STX8: variants seen among roughly 807,000 people sequenced by gnomAD.
STX8 encodes syntaxin-8.
STX8 carries 23 observed loss-of-function variants against 37.5 expected under a neutral mutation model. That is an observed-to-expected ratio of 0.61 (90% confidence interval 0.44 to 0.87). STX8 has a LOEUF of 0.87. Among genes scored for constraint, STX8 ranks in the 40% least tolerant of loss-of-function variants. STX8 has a pLI of 0.00. For synonymous variants in STX8, 115 were observed against 99.1 expected, an observed-to-expected ratio of 1.16 and a Z score of -0.95; for missense variants, 313 against 284.7, an observed-to-expected ratio of 1.10 and a Z score of -0.71.
chr17:9,252,622 A>G (rs1213018969), intron 7 of STX8, among the ~76,000 whole-genome samples: 1 of 151,620 alleles, frequency 6.6e-6, no homozygotes, highest in African/African-American at 2.4e-5. Flanking sequence ...AAAAAAAAAA[A>G]AAAGAAAACG....
chr17:9,288,671 AAATAAAATAAATAAAT>A (rs1908191765), intron 7 of STX8, among the ~76,000 whole-genome samples: 1 of 150,768 alleles, frequency 6.6e-6, no homozygotes, highest in South Asian at 2.1e-4. Flanking sequence ...CGAAATAAAT[AAATAAAATAAATAAAT>A]AAATAAATAA....
intron 6 of STX8, among the ~76,000 whole-genome samples, chr17:9,485,591 GTT>G (rs5819231): frequency 2.1e-5 from 3 of 145,970 alleles, no homozygotes; most frequent in South Asian, 2.1e-4. Context: ...TTGTTTTTTG[GTT>G]TTTTTTTTTT....
rs938666799 is a variant in STX8, at chr17:9,561,257, T to C, written c.118-3729A>G. Among the ~76,000 whole-genome samples the C allele has an allele frequency of 3.3e-5, 5 of 152,296 alleles. No individual in the cohort carries two copies. In the East Asian group the frequency reaches 9.6e-4, roughly 29 times the overall value. Reference sequence around the variant, plus strand: ...CAAATAAAATTTAAAAACCGGTACATGTTTTACAATGTCACTTACAAAATC... The same window carrying C: ...CAAATAAAATTTAAAAACCGGTACACGTTTTACAATGTCACTTACAAAATC... On this transcript the variant is annotated intron_variant, in intron 2 of 7. Transcript: ENST00000306357.
intron 6 of STX8, among the ~76,000 whole-genome samples, chr17:9,410,578 G>A (rs939404772): frequency 1.3e-5 from 2 of 152,212 alleles, no homozygotes; most frequent in African/African-American, 2.4e-5. Context: ...GCATAGTGCA[G>A]CTGTTCTTGG....
At chr17:9,554,116 C>G (rs1047219464) in intron 3 of STX8, 2 of 152,158 alleles carry the variant, frequency 1.3e-5, no homozygotes, top group African/African-American at 4.8e-5. Context: ...AAAAATTAGC[C>G]GGGCATGGTG....
At chr17:9,288,862 C>T (rs1332718260) in intron 7 of STX8, among the ~76,000 whole-genome samples, 2 of 151,976 alleles carry the variant, frequency 1.3e-5, no homozygotes, top group Admixed American at 6.6e-5. Flanking sequence ...AAAGAGAAAA[C>T]ACAGGAGGTA....
chr17:9,476,734 T>C (rs188368021), intron 6 of STX8, among the ~76,000 whole-genome samples: 1 of 152,296 alleles, frequency 6.6e-6, no homozygotes, highest in Admixed American at 6.5e-5. Context: ...ATTACAGGTG[T>C]GAGCCACCGC....
chr17:9,450,120 C>G (rs944512087), intron 6 of STX8, among the ~76,000 whole-genome samples: 7 of 151,776 alleles, frequency 4.6e-5, no homozygotes, highest in Non-Finnish European at 1.0e-4. Context: ...GCTCTGTCAT[C>G]CAGGCTAGAG....
chr17:9,445,839 T>TC, intron 6 of STX8, among the ~76,000 whole-genome samples: 1 of 135,370 alleles, frequency 7.4e-6, no homozygotes, highest in East Asian at 3.0e-4. Context: ...TCTTTTTTTC[T>TC]CTTTTTTTTT....
chr17:9,529,654 T>C lies in STX8; in HGVS notation c.323+15518A>G, dbSNP rs563499768. On this transcript the variant is annotated intron_variant, in intron 4 of 7. Transcript: ENST00000306357. The stretch of plus-strand genomic sequence containing the variant: ...TTTATAGGAGTGGCATCATATAGCA[T>C]GAACTGTGTAAACTCTTCTGTCTGA... 1.2e-3 allele frequency among the ~76,000 whole-genome samples: 176 copies of C among 152,336 alleles called. 1 individual carries two copies. The highest frequency in any genetic ancestry group is 3.5e-3 in the African/African-American group (147 of 41,588).
intron 4 of STX8, among the ~76,000 whole-genome samples, chr17:9,516,298 C>T (rs1202952906): frequency 1.9e-5 from 1 of 51,718 alleles, no homozygotes; most frequent in Non-Finnish European, 3.9e-5. Flanking sequence ...GAACCACAGT[C>T]ATATATATAT....
At chr17:9,423,487 AG>A (rs1282858827) in intron 6 of STX8, among the ~76,000 whole-genome samples, 1 of 152,040 alleles carries the variant, frequency 6.6e-6, no homozygotes, top group Non-Finnish European at 1.5e-5. Flanking sequence ...CACCATGCCC[AG>A]CTAATTTTTG....
intron 4 of STX8, among the ~76,000 whole-genome samples, chr17:9,518,859 ACTCCGT>A (rs1364070215): frequency 1.4e-5 from 2 of 141,576 alleles, no homozygotes; most frequent in Non-Finnish European, 3.0e-5. Flanking sequence ...GCAGAGCGAG[ACTCCGT>A]CTCAAAAAAA....
At chr17:9,268,000 A>G (rs944635280) in intron 7 of STX8, among the ~76,000 whole-genome samples, 2 of 151,648 alleles carry the variant, frequency 1.3e-5, no homozygotes, top group African/African-American at 4.8e-5. Context: ...TAAAAAGAAA[A>G]AAAAAAAAAA....
At chr17:9,395,629 T>C (rs541147557) in intron 6 of STX8, among the ~76,000 whole-genome samples, 16 of 152,312 alleles carry the variant, frequency 1.1e-4, no homozygotes, top group African/African-American at 2.6e-4. Context: ...GGCTAAGGTA[T>C]AGGTCCTTTG....
At chr17:9,320,607 T>C (rs989737452) in intron 7 of STX8, among the ~76,000 whole-genome samples, 1 of 150,854 alleles carries the variant, frequency 6.6e-6, no homozygotes, top group East Asian at 2.0e-4. Flanking sequence ...GAAATCTTCC[T>C]TGTGGCCGGG....
intron 1 of STX8, among the ~76,000 whole-genome samples, chr17:9,570,575 T>C (rs987523230): frequency 6.6e-6 from 1 of 151,586 alleles, no homozygotes; most frequent in African/African-American, 2.4e-5. Flanking sequence ...TAGGGAAAAA[T>C]AGCAGTGATA....
rs541116122 is a variant in STX8 at position 9,308,259 on chromosome 17, G to A, written c.644-57614C>T. Among the ~76,000 whole-genome samples, 218 of 152,230 alleles carry A rather than the reference G, an allele frequency of 1.4e-3. 1 individual carries two copies. Among genetic ancestry groups the A allele is most frequent in the African/African-American group, 4.6e-3 (193 of 41,542 alleles). ...TGTCTGTGTGACATTCCTTCCTCCC[G>A]GGGATAGGGCAGGACCCCTTTGGAA... On this transcript the variant is annotated intron_variant, in intron 7 of 7. Transcript: ENST00000306357.
intron 7 of STX8, among the ~76,000 whole-genome samples, chr17:9,303,016 A>T (rs12937561): frequency 0.11 from 16,677 of 150,834 alleles, 1,225 homozygotes; most frequent in Non-Finnish European, 0.16. Context: ...AGGAAGAGAC[A>T]GGCACAGTGG....
Sources: gnomAD v4.1 joint callset for allele counts (sites outside exome capture counted in the v4.1 genomes callset) on GRCh38, gnomAD v4.1.1 for gene constraint, MANE v1.5 for transcripts, NCBI Gene and HGNC (gene_info 2026-07-23, HGNC 2026-07-21) for gene names.